RAD17: variants seen among roughly 807,000 people sequenced by gnomAD.
RAD17 encodes the protein cell cycle checkpoint protein RAD17.
Under a neutral mutation model 81.5 loss-of-function variants are expected in RAD17, and 31 were observed. The ratio of observed to expected loss-of-function variants is 0.38; its 90% confidence interval spans 0.29 to 0.51. The LOEUF is 0.51. Among genes scored for constraint, RAD17 ranks in the 20% least tolerant of loss-of-function variants. RAD17 has a pLI of 0.88. For synonymous variants in RAD17, 261 were observed against 266.2 expected (o/e 0.98, Z 0.19); for missense variants, 681 against 781.2 (o/e 0.87, Z 1.53).
chr5:69,377,581 GTATACATATATATATGCA>G lies in RAD17; in HGVS notation c.351+2875_351+2892del, dbSNP rs1763510716. Among the ~76,000 whole-genome samples, 22 of 22,602 alleles carry G rather than the reference GTATACATATATATATGCA, an allele frequency of 9.7e-4. 3 individuals carry two copies. The highest frequency in any genetic ancestry group is 3.3e-3 in the African/African-American group (22 of 6,716). 14.8% of individuals were successfully genotyped at this position (22,602 alleles called of 152,430 possible). A position where few individuals can be genotyped will look rare whatever the true frequency, so the allele number is the denominator to read the frequency against. On this transcript the variant is annotated intron_variant, in intron 6 of 18. Coordinates refer to ENST00000354868, the MANE Select transcript of RAD17 (RefSeq NM_133338.3). ...TATGTATATATATATGCATATATAT[GTATACATATATATATGCA>G]TATATATATGTATACATATATATGC...
At chr5:69,377,439 G>GTATATATATATATATATATA (rs373632198) in intron 6 of RAD17, among the ~76,000 whole-genome samples, 1 of 55,486 alleles carries the variant, frequency 1.8e-5, no homozygotes, top group Non-Finnish European at 2.9e-5. Flanking sequence ...GTGTGTGTGT[G>GTATATATATATATATATATA]TATATATATA....
chr5:69,369,467 G>T, upstream of RAD17: 1 of 1,610,930 alleles, frequency 6.2e-7, no homozygotes, highest in Admixed American at 1.7e-5. Flanking sequence ...CCTGACCGGT[G>T]AGCAGGATGT....
At position 69,414,165 on chromosome 5, in the gene RAD17, C is replaced by T. The variant is rs1766229085; in HGVS notation, c.1886C>T (p.Thr629Ile). The stretch of plus-strand genomic sequence containing the variant: ...CCCACTCAAGCCACTGTGCCGGAAA[C>T]CTGGTCTCTTCCTTTGAGTCAGAAT... ...GEPTQATVPETWSLPLSQNSA... is the reference protein window; with the variant it reads ...GEPTQATVPEIWSLPLSQNSA... Residue 629 changes from threonine to isoleucine, a missense_variant, in exon 19 of 19, where the codon ACC (threonine) becomes ATC (isoleucine). Transcript: ENST00000354868. 6.2e-7 allele frequency: 1 copy of T among 1,614,246 alleles called. No homozygotes were observed. The highest frequency in any genetic ancestry group is 8.5e-7 in the Non-Finnish European group (1 of 1,180,050).
chr5:69,388,082 T>A (rs1764326708), intron 11 of RAD17, among the ~76,000 whole-genome samples: 1 of 152,192 alleles, frequency 6.6e-6, no homozygotes, highest in East Asian at 1.9e-4. Context: ...CCATGGTGCA[T>A]GCCTGTAGTC....
chr5:69,400,876 G>A (rs1765224900), intron 17 of RAD17, among the ~76,000 whole-genome samples: 1 of 152,010 alleles, frequency 6.6e-6, no homozygotes, highest in South Asian at 2.1e-4. Flanking sequence ...GGAGGCTGCA[G>A]TGAGCCAAGA....
At chr5:69,393,897 G>A (rs1306901024) in intron 15 of RAD17, among the ~76,000 whole-genome samples, 1 of 99,440 alleles carries the variant, frequency 1.0e-5, no homozygotes, top group Non-Finnish European at 2.0e-5. Flanking sequence ...TTTGTGTTTT[G>A]TGTTATGGTG....
Position 69,377,610 on chromosome 5 carries a change from T to C in RAD17, c.351+2899T>C, listed in dbSNP as rs566469596. 4.5e-4 allele frequency among the ~76,000 whole-genome samples: 6 copies of C among 13,394 alleles called. 1 individual carries two copies. Among genetic ancestry groups the C allele is most frequent in the Non-Finnish European group, 6.3e-4 (5 of 7,938 alleles). 8.8% of individuals were successfully genotyped at this position (13,394 alleles called of 152,430 possible). A position where few individuals can be genotyped will look rare whatever the true frequency, so the allele number is the denominator to read the frequency against. The stretch of plus-strand genomic sequence containing the variant: ...ACATATATATATGCATATATATATG[T>C]ATACATATATATGCATATATATGTA... On this transcript the variant is annotated intron_variant, in intron 6 of 18. Transcript: ENST00000354868.
rs748223632 is a variant in RAD17 at position 69,386,083 on chromosome 5, A to G, written c.686A>G (p.His229Arg). Residue 229 changes from histidine to arginine, a missense_variant, in exon 9 of 19, where the codon CAT (histidine) becomes CGT (arginine). Coordinates refer to ENST00000354868, the MANE Select transcript of RAD17 (RefSeq NM_133338.3). ...TTTTATCGGGATTCTCATACTTTAC[A>G]TGAAGTTCTAAGGTAGGTTTCAGTG... ...NQFYRDSHTL[H>R]EVLRKYVRIG... is the part of the protein sequence containing the mutation. The G allele has an allele frequency of 2.5e-6, 4 of 1,601,486 alleles. No individual in the cohort carries two copies. The highest frequency in any genetic ancestry group is 1.7e-5 in the Admixed American group (1 of 58,508).
At chr5:69,396,664 A>C in intron 16 of RAD17, 118 bp downstream of exon 16, 2 of 1,143,446 alleles carry the variant, frequency 1.7e-6, no homozygotes, top group Non-Finnish European at 2.3e-6. Context: ...TTTCATTTTT[A>C]ATAAAATAGT....
At chr5:69,376,088 C>T (rs1561756) in intron 6 of RAD17, among the ~76,000 whole-genome samples, 2,736 of 152,198 alleles carry the variant, frequency 0.018, 26 homozygotes, top group East Asian at 0.035. Flanking sequence ...TTGTATAGGG[C>T]GTCAAATTGG....
chr5:69,388,724 A>G (rs1359339968), intron 11 of RAD17, among the ~76,000 whole-genome samples: 2 of 151,952 alleles, frequency 1.3e-5, no homozygotes, highest in Non-Finnish European at 2.9e-5. Context: ...CTCCCATTTC[A>G]GCCTCCCAAG....
At chr5:69,395,967 G>A (rs2150844516) in intron 15 of RAD17, among the ~76,000 whole-genome samples, 1 of 152,246 alleles carries the variant, frequency 6.6e-6, no homozygotes, top group African/African-American at 2.4e-5. Flanking sequence ...TGGGATTACA[G>A]GCGTGAGCCA....
chr5:69,377,853 G>A (rs1239104425), intron 6 of RAD17, among the ~76,000 whole-genome samples: 1 of 151,658 alleles, frequency 6.6e-6, no homozygotes, highest in Non-Finnish European at 1.5e-5. Flanking sequence ...TTGCAGAGGT[G>A]CTGTCATAGC....
At chr5:69,369,415 C>CG, upstream of RAD17, 1 of 1,597,814 alleles carries the variant, frequency 6.3e-7, no homozygotes. Flanking sequence ...GAGCACTCTG[C>CG]GCCCCCAGCC....
chr5:69,379,199 G>A (rs574618419), intron 6 of RAD17, among the ~76,000 whole-genome samples: 2 of 152,224 alleles, frequency 1.3e-5, no homozygotes, highest in Non-Finnish European at 2.9e-5. Flanking sequence ...TAGTGCCACT[G>A]TGCCCCAGCC....
In RAD17 at chr5:69,410,498, A is replaced by G. The variant is rs781172204; in HGVS notation, c.1699A>G (p.Ile567Val). 1 of 1,612,290 alleles carries G rather than the reference A, an allele frequency of 6.2e-7. No individual in the cohort carries two copies. Among genetic ancestry groups the G allele is most frequent in the Non-Finnish European group, 8.5e-7 (1 of 1,179,042 alleles). Reference protein sequence around the residue: ...LTIPMRNQAQISFIQDIGRLP... With the variant: ...LTIPMRNQAQVSFIQDIGRLP... Reference sequence around the variant, plus strand: ...TTTTAAAAAATCTGTTTCAGCTCAGATTTCTTTTATCCAAGATATTGGAAG... The same window carrying G: ...TTTTAAAAAATCTGTTTCAGCTCAGGTTTCTTTTATCCAAGATATTGGAAG... Residue 567 changes from isoleucine to valine, a missense_variant, in exon 18 of 19, where the codon ATT becomes GTT. Coordinates refer to ENST00000354868, the MANE Select transcript of RAD17 (RefSeq NM_133338.3).
At chr5:69,377,454 T>TACAC (rs1561238692) in intron 6 of RAD17, among the ~76,000 whole-genome samples, 1 of 8,576 alleles carries the variant, frequency 1.2e-4, no homozygotes, top group African/African-American at 1.7e-4. Context: ...TATATATATA[T>TACAC]ATATATATAT....
chr5:69,378,580 A>C (rs1452355613), intron 6 of RAD17, among the ~76,000 whole-genome samples: 2 of 152,248 alleles, frequency 1.3e-5, no homozygotes, highest in African/African-American at 4.8e-5. Flanking sequence ...ATTAGCAAAT[A>C]CTGAACCATT....
chr5:69,375,731 A>G (rs543586889), intron 6 of RAD17, among the ~76,000 whole-genome samples: 8 of 152,064 alleles, frequency 5.3e-5, no homozygotes, highest in Non-Finnish European at 1.2e-4. Context: ...ATGAATTCAT[A>G]TTCACGTTTC....
Sources: gnomAD v4.1 joint callset for allele counts (sites outside exome capture counted in the v4.1 genomes callset) on GRCh38, gnomAD v4.1.1 for gene constraint, MANE v1.5 for transcripts, NCBI Gene and HGNC (gene_info 2026-07-23, HGNC 2026-07-21) for gene names.